The following ATP2B2 variants were observed in gnomAD, a reference collection of about 807,000 sequenced individuals.
ATP2B2 encodes ATPase plasma membrane Ca2+ transporting 2.
A neutral mutation model predicts 120.0 loss-of-function variants in ATP2B2; 15 were observed. The observed-to-expected ratio is 0.12, with a 90% confidence interval of 0.08 to 0.19. ATP2B2 has a LOEUF of 0.19. ATP2B2 is among the 10% of genes least tolerant of loss of function. The probability of loss-of-function intolerance (pLI) is 1.00; values close to 1 mark genes in which losing one functional copy is unlikely to be tolerated. For synonymous variants in ATP2B2, 694 were observed against 700.3 expected (o/e 0.99, Z 0.14); for missense variants, 1,045 against 1,719.8 (o/e 0.61, Z 6.94).
chr3:10,330,121 G>A (rs2059938374), intron 22 of ATP2B2: 1 of 153,484 alleles, frequency 6.5e-6, no homozygotes, highest in Non-Finnish European at 1.5e-5. Context: ...GGATTCTGGG[G>A]TGTGTGGAAC....
At chr3:10,692,427 G>A (rs1240537713) in intron 1 of ATP2B2, among the ~76,000 whole-genome samples, 1 of 152,326 alleles carries the variant, frequency 6.6e-6, no homozygotes, top group South Asian at 2.1e-4. Flanking sequence ...AATGTTCACA[G>A]GGACCCGACA....
At chr3:10,396,885 G>A (rs1483530422) in intron 5 of ATP2B2, among the ~76,000 whole-genome samples, 1 of 152,152 alleles carries the variant, frequency 6.6e-6, no homozygotes, top group East Asian at 1.9e-4. Flanking sequence ...CCTGGCTAAG[G>A]AGTAGAGTTG....
At chr3:10,689,261 A>T (rs992551146) in intron 1 of ATP2B2, among the ~76,000 whole-genome samples, 2 of 152,146 alleles carry the variant, frequency 1.3e-5, no homozygotes, top group African/African-American at 4.8e-5. Context: ...GGCGGGGCAC[A>T]TGAGGGTTTT....
intron 7 of ATP2B2, 120 bp downstream of exon 7, chr3:10,386,360 G>T (rs1575085023): frequency 8.7e-7 from 1 of 1,150,074 alleles, no homozygotes; most frequent in Non-Finnish European, 1.3e-6. Flanking sequence ...GGGGGGTGGA[G>T]CCACCCACAG....
In ATP2B2 at chr3:10,667,909, T is replaced by C. The variant is rs548668373; in HGVS notation, c.-460+40006A>G. On this transcript the variant is annotated intron_variant, in intron 1 of 21. Transcript: ENST00000646379. ...AAAATAAACAACTGAGACAACCTCA[T>C]TGGAGGTAAAGAACTCTGATCTATT... Among the ~76,000 whole-genome samples, 4 of 152,300 alleles carry C rather than the reference T, an allele frequency of 2.6e-5. No individual in the cohort carries two copies. In the South Asian group the frequency reaches 6.2e-4, roughly 24 times the overall value.
chr3:10,454,035 CCATCCACT>C lies in ATP2B2; in HGVS notation c.-319-4181_-319-4174del, dbSNP rs572158803. Among the ~76,000 whole-genome samples, 507 of 152,112 alleles carry C rather than the reference CCATCCACT, an allele frequency of 3.3e-3. 5 individuals carry two copies. Among genetic ancestry groups the C allele is most frequent in the African/African-American group, 0.011 (476 of 41,544 alleles). On this transcript the variant is annotated intron_variant, in intron 1 of 22. Coordinates refer to ENST00000360273, the MANE Select transcript of ATP2B2 (RefSeq NM_001001331.4). ...ACCCACCACCCACCGACCCATCTACCCATCCACTCATCCATCCATCCATCCACTTACCC... is the reference window on the plus strand; with the variant it reads ...ACCCACCACCCACCGACCCATCTACCCATCCATCCATCCATCCACTTACCC...
intron 3 of ATP2B2, among the ~76,000 whole-genome samples, chr3:10,515,872 A>C (rs2066866612): frequency 6.6e-6 from 1 of 152,186 alleles, no homozygotes; most frequent in Non-Finnish European, 1.5e-5. Flanking sequence ...GTAGCTTAAA[A>C]ACTACCTGTA....
Position 10,328,862 on chromosome 3 carries a change from G to T in ATP2B2, c.3684C>A (p.Thr1228=). 1 of 1,613,814 alleles carries T rather than the reference G, an allele frequency of 6.2e-7. No homozygotes were observed. The highest frequency in any genetic ancestry group is 8.5e-7 in the Non-Finnish European group (1 of 1,179,882). The part of the protein sequence containing the change: ...NLTTDTSKSA[T]SSSPGSPIHS... ...GGATGGGGCTCCCTGGACTTGAAGAGGTAGCTGATTTGCTTGTGTCGGTCG... is the reference window on the plus strand; with the variant it reads ...GGATGGGGCTCCCTGGACTTGAAGATGTAGCTGATTTGCTTGTGTCGGTCG... Residue 1228 remains threonine (T), a synonymous_variant, in exon 23 of 23, where the codon ACC becomes ACA. Transcript: ENST00000360273.
chr3:10,505,717 ATGGGG>A (rs2066601497), upstream of ATP2B2: 5 of 93,822 alleles, frequency 5.3e-5, no homozygotes, highest in Admixed American at 1.3e-4. Flanking sequence ...AGGCTGGGGG[ATGGGG>A]GCGGGAGGAG....
chr3:10,423,693 C>T (rs1039011231), intron 2 of ATP2B2, among the ~76,000 whole-genome samples: 4 of 152,172 alleles, frequency 2.6e-5, no homozygotes, highest in Non-Finnish European at 5.9e-5. Context: ...CAGGTGGGGA[C>T]GCTTTGCAGA....
intron 1 of ATP2B2, among the ~76,000 whole-genome samples, chr3:10,641,275 G>A (rs2125651737): frequency 6.6e-6 from 1 of 152,320 alleles, no homozygotes; most frequent in South Asian, 2.1e-4. Flanking sequence ...GCTGACTAGA[G>A]GAGTAGTGTC....
intron 5 of ATP2B2, among the ~76,000 whole-genome samples, chr3:10,398,701 A>G (rs2124950099): frequency 6.6e-6 from 1 of 152,186 alleles, no homozygotes; most frequent in African/African-American, 2.4e-5. Context: ...GCCTCCCTGG[A>G]GACACACCGG....
chr3:10,679,386 T>C (rs2071327301), intron 1 of ATP2B2, among the ~76,000 whole-genome samples: 1 of 152,222 alleles, frequency 6.6e-6, no homozygotes, highest in Non-Finnish European at 1.5e-5. Flanking sequence ...TATTTGATCC[T>C]CTTTCCCTTA....
chr3:10,406,816 T>G (rs2062429325), intron 3 of ATP2B2, among the ~76,000 whole-genome samples: 1 of 152,214 alleles, frequency 6.6e-6, no homozygotes, highest in Non-Finnish European at 1.5e-5. Flanking sequence ...AGCCCTGTCT[T>G]ACAGAGGGAG....
intron 1 of ATP2B2, among the ~76,000 whole-genome samples, chr3:10,466,185 G>A (rs2064733173): frequency 6.6e-6 from 1 of 152,194 alleles, no homozygotes; most frequent in South Asian, 2.1e-4. Flanking sequence ...AGCTTTTTAG[G>A]TTGAGCTGAG....
At chr3:10,482,072 C>T in intron 1 of ATP2B2, among the ~76,000 whole-genome samples, 1 of 152,120 alleles carries the variant, frequency 6.6e-6, no homozygotes, top group East Asian at 1.9e-4. Flanking sequence ...CGTTAGTCCC[C>T]CTAGACTGCT....
intron 12 of ATP2B2, among the ~76,000 whole-genome samples, chr3:10,368,491 A>G (rs1170046014): frequency 2.0e-5 from 3 of 151,896 alleles, no homozygotes; most frequent in Non-Finnish European, 4.4e-5. Flanking sequence ...CTATTCATCC[A>G]CCATTCCATT....
At chr3:10,629,699 A>C (rs1301903948) in intron 1 of ATP2B2, among the ~76,000 whole-genome samples, 1 of 152,198 alleles carries the variant, frequency 6.6e-6, no homozygotes, top group Non-Finnish European at 1.5e-5. Context: ...CCCAAGCTTC[A>C]CCTGCATGCG....
At chr3:10,537,983 G>A (rs2067355722) in intron 2 of ATP2B2, among the ~76,000 whole-genome samples, 1 of 152,152 alleles carries the variant, frequency 6.6e-6, no homozygotes, top group East Asian at 1.9e-4. Context: ...TGCATCCCTT[G>A]AATAAACCCC....
Sources: allele counts gnomAD v4.1 joint callset (sites outside exome capture counted in the v4.1 genomes callset), GRCh38; gene constraint gnomAD v4.1.1; transcripts MANE v1.5; gene names NCBI Gene and HGNC (gene_info 2026-07-23, HGNC 2026-07-21).